The following ZMYM3 variants were observed in gnomAD, a reference collection of about 807,000 sequenced individuals.
The protein encoded by ZMYM3 is zinc finger MYM-type containing 3.
ZMYM3 carries 6 observed loss-of-function variants against 94.2 expected under a neutral mutation model. That is an observed-to-expected ratio of 0.06 (90% CI 0.03 to 0.13). The LOEUF is 0.13. ZMYM3 is among the 10% of genes least tolerant of loss of function. The probability of loss-of-function intolerance (pLI) is 1.00; values close to 1 mark genes in which losing one functional copy is unlikely to be tolerated. For missense variants in ZMYM3, 664 were observed against 1,132.6 expected (o/e 0.59, Z 5.94); for synonymous variants, 420 against 426.5 (o/e 0.98, Z 0.19).
chrX:71,252,978 G>A lies in ZMYM3; in HGVS notation c.278C>T (p.Pro93Leu). Residue 93 changes from proline to leucine, a missense_variant, in exon 2 of 25, where the codon CCG (proline) becomes CTG (leucine). Physicochemically the swap from Pro to Leu is moderately conservative, Grantham distance 98. Coordinates refer to ENST00000314425, the MANE Select transcript of ZMYM3 (RefSeq NM_201599.3). ...GGLLYKAPSP[P>L]EVDHGPEGTL... ...TCCCTCAGGACCGTGGTCCACCTCC[G>A]GGGGAGAGGGGGCTTTATAGAGCAG... The A allele has an allele frequency of 1.7e-6, 2 of 1,210,460 alleles. No homozygotes were observed. Among genetic ancestry groups the A allele is most frequent in the Non-Finnish European group, 2.2e-6 (2 of 894,999 alleles).
Position 71,245,726 on chromosome X carries a change from A to T in ZMYM3, c.2802T>A (p.Ala934=). 8.3e-7 allele frequency: 1 copy of T among 1,211,726 alleles called. No individual in the cohort carries two copies. Among genetic ancestry groups the T allele is most frequent in the Non-Finnish European group, 1.1e-6 (1 of 895,522 alleles). ...CAGCCTCTGCAATCATTTCTGCCAT[A>T]GCCAGGATGTCGGCCTCCAAGGGGT... is the stretch of plus-strand genomic sequence containing the variant. The part of the protein sequence containing the change: ...PSNPLEADIL[A]MAEMIAEAEE... Residue 934 remains alanine, a synonymous_variant, in exon 17 of 25, where the codon GCT becomes GCA. Transcript: ENST00000314425.
At chrX:71,250,402 C>G in intron 5 of ZMYM3, 30 bp downstream of exon 5, 3 of 1,179,079 alleles carry the variant, frequency 2.5e-6, no homozygotes, top group Non-Finnish European at 3.4e-6. Context: ...GATCCCTGCC[C>G]TCTGCATAGC....
At chrX:71,251,304 TACAGG>T in intron 3 of ZMYM3, 60 bp from the exon 4 acceptor site, 1 of 497,834 alleles carries the variant, frequency 2.0e-6, no homozygotes, top group Non-Finnish European at 3.2e-6. Flanking sequence ...CTAACACTAG[TACAGG>T]GTTTGGGGGG....
In ZMYM3 at chrX:71,240,830, G is replaced by A. The variant is rs954989947; in HGVS notation, c.*86C>T. ...CAGTCAGGGCCCTTCAGAATGAGTA[G>A]CATTGGTTCCTGGGCCTGTCACCCT... On this transcript the variant is annotated 3_prime_UTR_variant, in exon 25 of 25. Coordinates refer to ENST00000314425, the MANE Select transcript of ZMYM3 (RefSeq NM_201599.3). The A allele has an allele frequency of 9.9e-6, 10 of 1,013,357 alleles. No homozygotes were observed. The Admixed American group carries it at 1.2e-4, about 12-fold the overall frequency. The allele number at this position is 1,013,357 out of a possible 1,213,427, so 83.5% of individuals were successfully genotyped here.
intron 8 of ZMYM3, 44 bp downstream of exon 8, chrX:71,248,975 G>C: frequency 8.3e-7 from 1 of 1,206,035 alleles, no homozygotes; most frequent in African/African-American, 1.7e-5. Context: ...GGGAGGTAGA[G>C]AGAAGGCCAG....
At position 71,239,951 on chromosome X, in the gene ZMYM3, C is replaced by T; in HGVS notation, c.*965G>A. 1 of 112,810 alleles carries T rather than the reference C, an allele frequency of 8.9e-6. No individual in the cohort carries two copies. Among genetic ancestry groups the T allele is most frequent in the Non-Finnish European group, 1.9e-5 (1 of 53,234 alleles). The allele number at this position is 112,810 out of a possible 1,213,427, so 9.3% of individuals were successfully genotyped here. ...CAGGCCCTGCGCCCACAGCTCCTCG[C>T]CTGTCCTTTGACCACAGATCCCATC... On this transcript the variant is annotated 3_prime_UTR_variant, in exon 25 of 25. Transcript: ENST00000314425.
chrX:71,250,845 C>T, intron 4 of ZMYM3, 119 bp from the exon 5 acceptor site: 3 of 723,196 alleles, frequency 4.1e-6, no homozygotes, highest in Non-Finnish European at 6.0e-6. Context: ...TACACCCTGG[C>T]CCTTGTTACA....
intron 23 of ZMYM3, among the ~76,000 whole-genome samples, chrX:71,241,811 G>T (rs974120000): frequency 9.0e-6 from 1 of 111,375 alleles, no homozygotes; most frequent in Non-Finnish European, 1.9e-5. Context: ...AGGTGCAGTT[G>T]TTGTTAGACC....
At chrX:71,255,092 C>A (rs900674502), upstream of ZMYM3, 1 of 27,715 alleles carries the variant, frequency 3.6e-5, no homozygotes, top group East Asian at 1.8e-3. Flanking sequence ...TGATCTCTCT[C>A]TCTCTCTCTC....
At chrX:71,243,682 C>T (rs2030041467) in intron 21 of ZMYM3, 147 bp downstream of exon 21, 2 of 735,578 alleles carry the variant, frequency 2.7e-6, no homozygotes, top group African/African-American at 4.2e-5. Flanking sequence ...TCTCAAACTC[C>T]TGGCTTGAAG....
Position 71,253,087 on chromosome X carries a change from G to A in ZMYM3, c.169C>T (p.Leu57=), listed in dbSNP as rs758413603. The A allele has an allele frequency of 3.3e-6, 4 of 1,201,172 alleles. No homozygotes were observed. Among genetic ancestry groups the A allele is most frequent in the Non-Finnish European group, 4.5e-6 (4 of 890,017 alleles). ...CCAGCAGGGGTATCAAGCAGGTCCA[G>A]GGCTCCCGAGGATGGAGAAGGGCCA... The part of the protein sequence containing the change: ...PPGPSPSSGA[L]DLLDTPAGLE... The change falls in exon 2 of 25, where the codon CTG becomes TTG. Residue 57 remains leucine, a synonymous_variant. Coordinates refer to ENST00000314425, the MANE Select transcript of ZMYM3 (RefSeq NM_201599.3).
At chrX:71,242,463 T>C (rs2093488779) in intron 22 of ZMYM3, 39 bp from the exon 23 acceptor site, 3 of 1,198,872 alleles carry the variant, frequency 2.5e-6, no homozygotes, top group Non-Finnish European at 3.4e-6. Context: ...CAGGAGGGAG[T>C]GGCTACCCAA....
At chrX:71,248,847 G>GGA in intron 8 of ZMYM3, 46 bp from the exon 9 acceptor site, 1 of 1,108,179 alleles carries the variant, frequency 9.0e-7, no homozygotes, top group Non-Finnish European at 1.2e-6. Flanking sequence ...AAAGAGAGAG[G>GGA]GAGAGAGAGA....
At chrX:71,254,330 CCCCCGCCCGGGG>C (rs1444586388), upstream of ZMYM3, 2 of 112,626 alleles carry the variant, frequency 1.8e-5, no homozygotes, top group Non-Finnish European at 3.8e-5. Context: ...GGCGCCTGAG[CCCCCGCCCGGGG>C]CCCCGTTAGT....
Position 71,246,479 on chromosome X carries a change from G to GGGGGCC in ZMYM3, c.2445_2446insGGCCCC (p.Ala815_Pro816insGlyPro). The GGGGGCC allele has an allele frequency of 3.0e-6, 1 of 333,477 alleles. No homozygotes were observed. Among genetic ancestry groups the GGGGGCC allele is most frequent in the Non-Finnish European group, 5.6e-6 (1 of 178,512 alleles). 27.5% of individuals were successfully genotyped at this position (333,477 alleles called of 1,213,427 possible). A position where few individuals can be genotyped will look rare whatever the true frequency, so the allele number is the denominator to read the frequency against. On this transcript the variant is annotated inframe_insertion, in exon 15 of 25. Coordinates refer to ENST00000314425, the MANE Select transcript of ZMYM3 (RefSeq NM_201599.3). The stretch of plus-strand genomic sequence containing the variant: ...GGGGGTGGTGGGGGTGGAGGGGTGG[G>GGGGGCC]AGCAGTGGGAGCTGATCGGGTCTTC...
chrX:71,249,068 A>G lies in ZMYM3; in HGVS notation c.1572T>C (p.Cys524=). ...TGTAAGAAGTGGTACAGCACAGGGA[A>G]CAGAACAAGCTGGTCTTGCCATTAC... ...VDRNGKTSLF[C]SLCCTTSYKV... The change falls in exon 8 of 25, where the codon TGT becomes TGC. Residue 524 remains cysteine, a synonymous_variant. Transcript: ENST00000314425. 8.3e-7 allele frequency: 1 copy of G among 1,211,724 alleles called. No individual in the cohort carries two copies.
At position 71,249,697 on chromosome X, in the gene ZMYM3, G is replaced by A. The variant is rs374488387; in HGVS notation, c.1252-18C>T. 1.2e-5 allele frequency: 14 copies of A among 1,202,346 alleles called. No individual in the cohort carries two copies. Among genetic ancestry groups the A allele is most frequent in the Middle Eastern group, 2.4e-4 (1 of 4,176 alleles). ...TGCAGGACCTGCCACACACATACAC[G>A]CACCCTGAGCTAGGGCCTGGCCACC... On this transcript the variant is annotated intron_variant, in intron 6 of 24. Coordinates refer to ENST00000314425, the MANE Select transcript of ZMYM3 (RefSeq NM_201599.3).
rs777628971 is a variant in ZMYM3 at position 71,248,415 on chromosome X, G to A, written c.1824+23C>T. ...AGACAGTCTGGTCGTGTGGCAAGAC[G>A]TGGGTGGGGGTGGGGCTCTTACCTG... is the stretch of plus-strand genomic sequence containing the variant. On this transcript the variant is annotated intron_variant, in intron 10 of 24. Transcript: ENST00000314425. The A allele has an allele frequency of 2.5e-6, 3 of 1,200,037 alleles. No individual in the cohort carries two copies. The African/African-American group carries it at 5.3e-5, about 21-fold the overall frequency.
rs36002370 is a variant in ZMYM3, at chrX:71,250,497, C to G, written c.1008G>C (p.Ser336=). The change falls in exon 5 of 25, where the codon TCG becomes TCC. Residue 336 remains serine (S), a synonymous_variant. Transcript: ENST00000314425. ...QRKGLPQLFC[S]SSCLTTFSKK... The stretch of plus-strand genomic sequence containing the variant: ...TGGAGAAAGTGGTGAGGCAGGATGA[C>G]GAGCAGAAGAGCTGAGGCAGCCCCT... 8.3e-7 allele frequency: 1 copy of G among 1,211,122 alleles called. No individual in the cohort carries two copies.
Sources: gnomAD v4.1 joint callset for allele counts (sites outside exome capture counted in the v4.1 genomes callset) on GRCh38, gnomAD v4.1.1 for gene constraint, MANE v1.5 for transcripts, NCBI Gene and HGNC (gene_info 2026-07-23, HGNC 2026-07-21) for gene names.